TRPV1: variants seen among roughly 807,000 people sequenced by gnomAD.
TRPV1 encodes transient receptor potential cation channel subfamily V member 1.
A neutral mutation model predicts 82.3 loss-of-function variants in TRPV1; 82 were observed. That is an observed-to-expected ratio of 1.00 (90% CI 0.83 to 1.20). The LOEUF (loss-of-function observed/expected upper bound fraction) is 1.20, where lower values mean the gene tolerates loss of function less well. Ranked by LOEUF, TRPV1 falls within the 50% of genes most tolerant of loss-of-function variation. The pLI is 0.00. For missense variants in TRPV1, 1,067 were observed against 1,096.8 expected (o/e 0.97, Z 0.38); for synonymous variants, 515 against 467.7 (o/e 1.10, Z -1.30).
chr17:3,581,641 C>CT (rs1695190461), intron 10 of TRPV1, among the ~76,000 whole-genome samples: 1 of 152,106 alleles, frequency 6.6e-6, no homozygotes, highest in Non-Finnish European at 1.5e-5. Flanking sequence ...AATCCCAGCA[C>CT]TTTGGGAGGC....
intron 11 of TRPV1, among the ~76,000 whole-genome samples, chr17:3,579,465 A>G (rs2074976735): frequency 6.6e-6 from 1 of 152,036 alleles, no homozygotes; most frequent in African/African-American, 2.4e-5. Context: ...GTTTCCTGCC[A>G]CATCCACAAT....
chr17:3,603,725 T>G (rs952309918), intron 2 of TRPV1, among the ~76,000 whole-genome samples: 5 of 152,142 alleles, frequency 3.3e-5, no homozygotes, highest in African/African-American at 1.2e-4. Context: ...TGACTAATTG[T>G]TTTTTAATGA....
At position 3,572,231 on chromosome 17, in the gene TRPV1, C is replaced by G. The variant is rs1462857460; in HGVS notation, c.2122G>C (p.Asp708His). The change falls in exon 15 of 17, where the codon GAC (aspartate) becomes CAC (histidine). Residue 708 changes from aspartate (D) to histidine (H), a missense_variant. Physicochemically the swap from Asp to His is moderately conservative, Grantham distance 81. Transcript: ENST00000572705. The stretch of plus-strand genomic sequence containing the variant: ...CACTTAAGGAAGCTCTTCTCCGTGT[C>G]CAGGATGGTGATGGCTCTCTGCAGG... ...WKLQRAITIL[D>H]TEKSFLKCMR... 1 of 1,609,830 alleles carries G rather than the reference C, an allele frequency of 6.2e-7. No individual in the cohort carries two copies. Among genetic ancestry groups the G allele is most frequent in the Non-Finnish European group, 8.5e-7 (1 of 1,178,220 alleles).
chr17:3,585,976 CG>C, intron 8 of TRPV1, 50 bp from the exon 9 acceptor site: 1 of 1,606,446 alleles, frequency 6.2e-7, no homozygotes, highest in Non-Finnish European at 8.5e-7. Context: ...AGGAACTCCT[CG>C]CACGCCCACA....
At chr17:3,587,813 CAA>C (rs534094662) in intron 8 of TRPV1, among the ~76,000 whole-genome samples, 12 of 80,092 alleles carry the variant, frequency 1.5e-4, no homozygotes. Flanking sequence ...AACTTCGTCT[CAA>C]AAAAAAAAAG....
At position 3,565,715 on chromosome 17, in the gene TRPV1, C is replaced by T. The variant is rs2074752305; in HGVS notation, c.*1100G>A. 1.3e-5 allele frequency: 2 copies of T among 152,268 alleles called. No individual in the cohort carries two copies. Among genetic ancestry groups the T allele is most frequent in the South Asian group, 2.1e-4 (1 of 4,832 alleles). The allele number at this position is 152,268 out of a possible 1,614,324, so 9.4% of individuals were successfully genotyped here. Reference sequence around the variant, plus strand: ...GAGCTGGGAGTGGGACAGCCTCCCCCATCTTCTCCAGGGAGGAAACACCAA... The same window carrying T: ...GAGCTGGGAGTGGGACAGCCTCCCCTATCTTCTCCAGGGAGGAAACACCAA... On this transcript the variant is annotated 3_prime_UTR_variant, in exon 17 of 17. Transcript: ENST00000572705.
At chr17:3,574,450 C>A (rs1238438498) in intron 13 of TRPV1, among the ~76,000 whole-genome samples, 1 of 152,198 alleles carries the variant, frequency 6.6e-6, no homozygotes, top group African/African-American at 2.4e-5. Context: ...CCGGCCTAGT[C>A]CCTTCCTGTA....
At chr17:3,604,928 C>T (rs1281109044) in intron 2 of TRPV1, among the ~76,000 whole-genome samples, 1 of 152,136 alleles carries the variant, frequency 6.6e-6, no homozygotes, top group Non-Finnish European at 1.5e-5. Flanking sequence ...TCCCCTCAGG[C>T]GGGCATGCAA....
At chr17:3,579,454 G>A (rs1017358648) in intron 11 of TRPV1, among the ~76,000 whole-genome samples, 2 of 152,036 alleles carry the variant, frequency 1.3e-5, no homozygotes, top group Non-Finnish European at 2.9e-5. Flanking sequence ...GAAGGAAGGA[G>A]GTTTCCTGCC....
At chr17:3,571,985 C>G in intron 15 of TRPV1, 137 bp downstream of exon 15, 2 of 1,197,074 alleles carry the variant, frequency 1.7e-6, no homozygotes, top group Non-Finnish European at 2.3e-6. Context: ...CAGGACGGCC[C>G]CAATCCCTAC....
chr17:3,594,066 T>C (rs995499188), intron 2 of TRPV1, among the ~76,000 whole-genome samples: 3 of 140,818 alleles, frequency 2.1e-5, no homozygotes, highest in Admixed American at 7.9e-5. Flanking sequence ...ATGTAGAGGT[T>C]ACAGTGAGCT....
At position 3,590,155 on chromosome 17, in the gene TRPV1, C is replaced by T. The variant is rs751097704; in HGVS notation, c.746-50G>A. On this transcript the variant is annotated intron_variant, in intron 6 of 16. Transcript: ENST00000572705. ...GGCCTCAGGAGTGAGATCCAGCTGGCCCCTGAACCACCGGCCTCCAAACTC... is the reference window on the plus strand; with the variant it reads ...GGCCTCAGGAGTGAGATCCAGCTGGTCCCTGAACCACCGGCCTCCAAACTC... The T allele has an allele frequency of 5.0e-6, 8 of 1,584,944 alleles. No individual in the cohort carries two copies. In the Admixed American group the frequency reaches 8.6e-5, roughly 17 times the overall value.
chr17:3,592,367 G>C lies in TRPV1; in HGVS notation c.-17C>G. The C allele has an allele frequency of 6.3e-7, 1 of 1,575,046 alleles. No individual in the cohort carries two copies. Among genetic ancestry groups the C allele is most frequent in the Admixed American group, 1.8e-5 (1 of 54,640 alleles). On this transcript the variant is annotated 5_prime_UTR_variant, in exon 3 of 17. Coordinates refer to ENST00000572705, the MANE Select transcript of TRPV1 (RefSeq NM_080704.4). ...TTTCTTCATCCTTGCTGGATCCTCT[G>C]TGGCCCAGTGTGCAACCTGCAGCAG...
chr17:3,601,080 C>T (rs1463104151), intron 2 of TRPV1, among the ~76,000 whole-genome samples: 2 of 151,872 alleles, frequency 1.3e-5, no homozygotes, highest in South Asian at 2.1e-4. Flanking sequence ...ACTCCCCTCC[C>T]GCTCCCTGCA....
chr17:3,598,033 C>G (rs2075234372), intron 2 of TRPV1, among the ~76,000 whole-genome samples: 1 of 152,168 alleles, frequency 6.6e-6, no homozygotes, highest in South Asian at 2.1e-4. Flanking sequence ...AGAAGACCCA[C>G]AAGAGAGAAA....
chr17:3,577,289 C>CA, intron 12 of TRPV1, 97 bp from the exon 13 acceptor site: 1 of 1,327,622 alleles, frequency 7.5e-7, no homozygotes, highest in Non-Finnish European at 1.1e-6. Context: ...GTCTTGAGAA[C>CA]GTGCAGGGCG....
chr17:3,603,077 G>A (rs111805326), intron 2 of TRPV1, among the ~76,000 whole-genome samples: 3,655 of 151,884 alleles, frequency 0.024, 164 homozygotes, highest in African/African-American at 0.083. Context: ...CTGAGATCAC[G>A]CCATTGCACT....
intron 2 of TRPV1, among the ~76,000 whole-genome samples, chr17:3,608,039 A>G (rs1291719792): frequency 2.0e-5 from 3 of 151,264 alleles, no homozygotes; most frequent in Non-Finnish European, 4.4e-5. Flanking sequence ...ACATGATGAA[A>G]CTCCATCTCT....
chr17:3,583,207 T>G (rs2075043257), intron 10 of TRPV1, 131 bp downstream of exon 10: 1 of 819,420 alleles, frequency 1.2e-6, no homozygotes, highest in Non-Finnish European at 1.9e-6. Context: ...TCTTCACCTC[T>G]GCGTCTCTCA....
Sources: allele counts gnomAD v4.1 joint callset (sites outside exome capture counted in the v4.1 genomes callset), GRCh38; gene constraint gnomAD v4.1.1; transcripts MANE v1.5; gene names NCBI Gene and HGNC (gene_info 2026-07-23, HGNC 2026-07-21).